The following PCDH11Y variants were observed in gnomAD, a reference collection of about 807,000 sequenced individuals.
The protein encoded by PCDH11Y is protocadherin-11 Y-linked.
For synonymous variants in PCDH11Y, 9 were observed against 83.6 expected, an observed-to-expected ratio of 0.11 and a Z score of 4.87; for missense variants, 12 against 224.8, an observed-to-expected ratio of 0.05 and a Z score of 6.05.
intron 2 of PCDH11Y, among the ~76,000 whole-genome samples, chrY:5,226,144 T>G (rs2124653155): frequency 3.7e-5 from 1 of 27,101 alleles, no homozygotes; most frequent in South Asian, 9.1e-4. Context: ...CCTGACTAGC[T>G]GGGATTACAG....
chrY:5,403,704 C>G, intron 2 of PCDH11Y, among the ~76,000 whole-genome samples: 2 of 33,251 alleles, frequency 6.0e-5, no homozygotes, highest in Non-Finnish European at 1.5e-4. Flanking sequence ...AATTAAATAA[C>G]TATATTTTCA....
chrY:5,088,097 A>AT (rs2052734582), intron 1 of PCDH11Y, among the ~76,000 whole-genome samples: 1 of 30,692 alleles, frequency 3.3e-5, no homozygotes, highest in Non-Finnish European at 7.8e-5. Context: ...GGTTCAAACT[A>AT]AGTACTATGA....
chrY:5,153,996 A>AAT (rs2052866508), intron 2 of PCDH11Y, among the ~76,000 whole-genome samples: 3 of 27,416 alleles, frequency 1.1e-4, no homozygotes, highest in African/African-American at 1.4e-4. Flanking sequence ...GTCCTCTCCA[A>AAT]ATATATATAT....
intron 1 of PCDH11Y, among the ~76,000 whole-genome samples, chrY:5,061,099 A>G: frequency 6.1e-5 from 2 of 33,007 alleles, no homozygotes; most frequent in Admixed American, 5.7e-4. Flanking sequence ...TGTTTAAAAT[A>G]TAAGTAAAAA....
At chrY:5,646,340 T>C (rs2053527161) in intron 4 of PCDH11Y, among the ~76,000 whole-genome samples, 1 of 32,866 alleles carries the variant, frequency 3.0e-5, no homozygotes, top group African/African-American at 1.2e-4. Flanking sequence ...TACCAGAGTC[T>C]GGGAAGGGTA....
intron 2 of PCDH11Y, among the ~76,000 whole-genome samples, chrY:5,344,955 C>T: frequency 2.9e-5 from 1 of 34,862 alleles, no homozygotes; most frequent in Non-Finnish European, 7.2e-5. Context: ...CGTGCGCCAC[C>T]GCGCCTGGCC....
rs1602885155 is a variant in PCDH11Y at position 5,198,957 on chromosome Y, G to A, written c.3129+98250G>A. Among the ~76,000 whole-genome samples, 3 of 33,500 alleles carry A rather than the reference G, an allele frequency of 9.0e-5. No individual in the cohort carries two copies. The East Asian group carries it at 2.4e-3, about 26-fold the overall frequency. 89.9% of individuals were successfully genotyped at this position (33,500 alleles called of 37,273 possible). ...CAAGTGGTCAGGGTTTGCTCATTGA[G>A]AAGGTAGAATATGGAGCCCACATTT... is the stretch of plus-strand genomic sequence containing the variant. On this transcript the variant is annotated intron_variant, in intron 2 of 4. Coordinates refer to the PCDH11Y transcript ENST00000400457.
intron 4 of PCDH11Y, among the ~76,000 whole-genome samples, chrY:5,728,941 A>C: frequency 3.0e-5 from 1 of 33,129 alleles, no homozygotes; most frequent in Middle Eastern, 0.014. Context: ...ATGTTGCTGC[A>C]AATAACATAG....
At chrY:5,326,330 T>C (rs1175593679) in intron 2 of PCDH11Y, among the ~76,000 whole-genome samples, 1 of 32,163 alleles carries the variant, frequency 3.1e-5, no homozygotes, top group Non-Finnish European at 7.6e-5. Flanking sequence ...GGGCAAATCC[T>C]CGAGCTTGAT....
At chrY:5,545,761 G>A in intron 3 of PCDH11Y, among the ~76,000 whole-genome samples, 1 of 32,358 alleles carries the variant, frequency 3.1e-5, no homozygotes, top group African/African-American at 1.2e-4. Flanking sequence ...GAAAATAACT[G>A]TGATTTCCAT....
At position 5,313,345 on chromosome Y, in the gene PCDH11Y, A is replaced by G; in HGVS notation, c.3130-187712A>G. On this transcript the variant is annotated intron_variant, in intron 2 of 4. Coordinates refer to the PCDH11Y transcript ENST00000400457. ...TGTGGAATGAATACAAAATCCCCCA[A>G]TAACCTTTTAGGTCATTTTATTTCT... Among the ~76,000 whole-genome samples, 3 of 33,270 alleles carry G rather than the reference A, an allele frequency of 9.0e-5. No homozygotes were observed. The South Asian group carries it at 2.0e-3, about 22-fold the overall frequency. 89.3% of individuals were successfully genotyped at this position (33,270 alleles called of 37,273 possible).
At chrY:5,237,452 G>A in intron 2 of PCDH11Y, among the ~76,000 whole-genome samples, 2 of 32,689 alleles carry the variant, frequency 6.1e-5, no homozygotes, top group Non-Finnish European at 1.5e-4. Context: ...AATAATGTGC[G>A]TCAGCCAATA....
intron 2 of PCDH11Y, among the ~76,000 whole-genome samples, chrY:5,380,578 A>AT (rs779039478): frequency 4.2e-3 from 80 of 19,111 alleles, no homozygotes; most frequent in South Asian, 8.0e-3. Context: ...CTTCAATAGC[A>AT]TTTTTTTTTT....
At chrY:5,627,788 C>T in intron 4 of PCDH11Y, among the ~76,000 whole-genome samples, 1 of 31,618 alleles carries the variant, frequency 3.2e-5, no homozygotes, top group Non-Finnish European at 7.7e-5. Context: ...TTAAATAAAC[C>T]CATTATTATA....
intron 4 of PCDH11Y, among the ~76,000 whole-genome samples, chrY:5,616,644 C>A (rs2124701683): frequency 3.1e-5 from 1 of 32,724 alleles, no homozygotes; most frequent in East Asian, 8.0e-4. Context: ...TTTACATATA[C>A]CCCACTAGAC....
chrY:5,684,288 AT>A (rs371322348), intron 4 of PCDH11Y, among the ~76,000 whole-genome samples: 5,044 of 32,142 alleles, frequency 0.16, no homozygotes, highest in Middle Eastern at 0.4. Flanking sequence ...AGTTAAAGTA[AT>A]TTTTTTTAAA....
intron 2 of PCDH11Y, among the ~76,000 whole-genome samples, chrY:5,494,803 C>T (rs1290690373): frequency 3.0e-5 from 1 of 33,151 alleles, no homozygotes; most frequent in Non-Finnish European, 7.4e-5. Flanking sequence ...AATCTCAGCA[C>T]TTTGGGAGGC....
chrY:5,458,357 A>T, intron 2 of PCDH11Y, among the ~76,000 whole-genome samples: 7 of 30,598 alleles, frequency 2.3e-4, no homozygotes, highest in Admixed American at 3.1e-4. Context: ...ATGTTTGAAG[A>T]TTATATCCAC....
At chrY:5,706,120 T>C in intron 4 of PCDH11Y, among the ~76,000 whole-genome samples, 1 of 28,650 alleles carries the variant, frequency 3.5e-5, no homozygotes, top group Non-Finnish European at 8.3e-5. Context: ...ACAGTCTTCA[T>C]TGGGGCAATT....
Sources: allele counts gnomAD v4.1 joint callset (sites outside exome capture counted in the v4.1 genomes callset), GRCh38; gene constraint gnomAD v4.1.1; transcripts MANE v1.5; gene names NCBI Gene and HGNC (gene_info 2026-07-23, HGNC 2026-07-21).